The following BLTP3B variants were observed in gnomAD, a reference collection of about 807,000 sequenced individuals.
The protein encoded by BLTP3B is bridge-like lipid transfer protein family member 3B.
the BLTP3B span, among the ~76,000 whole-genome samples, chr12:100,093,362 T>C: frequency 1.0e-4 from 14 of 140,250 alleles, no homozygotes; most frequent in East Asian, 2.7e-3. Context: ...GTTTTAGCCA[T>C]GTGACTCGAT....
At chr12:100,128,759 G>A in the BLTP3B span, 1 of 1,256,664 alleles carries the variant, frequency 8.0e-7, no homozygotes, top group African/African-American at 1.5e-5. Flanking sequence ...GACACAGAAG[G>A]GAGCAAGTTT....
At chr12:100,076,309 G>A in the BLTP3B span, among the ~76,000 whole-genome samples, 7 of 149,212 alleles carry the variant, frequency 4.7e-5, no homozygotes, top group Non-Finnish European at 8.9e-5. Flanking sequence ...TTCAATAGAC[G>A]TGTATATGTC....
At chr12:100,057,912 T>C in the BLTP3B span, 6 of 1,325,272 alleles carry the variant, frequency 4.5e-6, no homozygotes, top group Non-Finnish European at 6.1e-6. Flanking sequence ...CTCTTCTACA[T>C]GTTAACAATG....
chr12:100,071,039 G>A, the BLTP3B span, among the ~76,000 whole-genome samples: 1 of 152,070 alleles, frequency 6.6e-6, no homozygotes, highest in African/African-American at 2.4e-5. Context: ...AAATAAATGG[G>A]CAAGTAGGTC....
chr12:100,068,633 CA>C, the BLTP3B span, among the ~76,000 whole-genome samples: 1 of 151,994 alleles, frequency 6.6e-6, no homozygotes, highest in African/African-American at 2.4e-5. Context: ...ACAATGAACT[CA>C]AATCAACAAG....
chr12:100,048,627 T>C, the BLTP3B span, among the ~76,000 whole-genome samples: 1 of 151,562 alleles, frequency 6.6e-6, no homozygotes, highest in Non-Finnish European at 1.5e-5. Context: ...GGTCCTTAAA[T>C]AACCTCATTA....
the BLTP3B span, among the ~76,000 whole-genome samples, chr12:100,042,886 G>A: frequency 1.2e-4 from 18 of 152,228 alleles, no homozygotes; most frequent in East Asian, 1.9e-4. Context: ...TGCAACCTCC[G>A]CCTCCTGGAT....
At chr12:100,103,257 T>C in the BLTP3B span, among the ~76,000 whole-genome samples, 8 of 152,120 alleles carry the variant, frequency 5.3e-5, 1 homozygote, top group South Asian at 1.7e-3. Context: ...ATCTGAGCTA[T>C]GAGACACAAA....
chr12:100,135,157 T>C, the BLTP3B span, among the ~76,000 whole-genome samples: 1 of 152,312 alleles, frequency 6.6e-6, no homozygotes, highest in South Asian at 2.1e-4. Context: ...TCTCCACCTA[T>C]ATTGGTGGTC....
chr12:100,126,706 A>G, the BLTP3B span, among the ~76,000 whole-genome samples: 2 of 152,212 alleles, frequency 1.3e-5, no homozygotes, highest in East Asian at 1.9e-4. Flanking sequence ...CTTTCTCTTA[A>G]CAGCGCCAAG....
the BLTP3B span, chr12:100,057,532 G>A: frequency 6.4e-7 from 1 of 1,551,484 alleles, no homozygotes; most frequent in Non-Finnish European, 8.8e-7. Flanking sequence ...TAAGGTGTAT[G>A]TACGTAATAT....
chr12:100,045,463 A>G, the BLTP3B span, among the ~76,000 whole-genome samples: 1 of 152,234 alleles, frequency 6.6e-6, no homozygotes, highest in African/African-American at 2.4e-5. Context: ...ACCTGACAAA[A>G]ACAAGCAATA....
chr12:100,065,913 T>C, the BLTP3B span, among the ~76,000 whole-genome samples: 6 of 152,152 alleles, frequency 3.9e-5, no homozygotes, highest in East Asian at 7.7e-4. Context: ...TTGAAGTCCT[T>C]AATAAAAACC....
At chr12:100,059,385 T>G in the BLTP3B span, 1 of 1,614,014 alleles carries the variant, frequency 6.2e-7, no homozygotes, top group South Asian at 1.1e-5. Context: ...ATCACAATCT[T>G]TAAAGTCTTG....
chr12:100,052,257 G>A, the BLTP3B span, among the ~76,000 whole-genome samples: 1 of 151,934 alleles, frequency 6.6e-6, no homozygotes, highest in African/African-American at 2.4e-5. Flanking sequence ...TAGCCAGGGT[G>A]GTCTCGAACT....
the BLTP3B span, among the ~76,000 whole-genome samples, chr12:100,064,134 G>A: frequency 9.2e-5 from 14 of 152,084 alleles, no homozygotes; most frequent in Middle Eastern, 3.2e-3. Context: ...ATAGAAATGC[G>A]AAATGCTATA....
At chr12:100,128,681 T>C in the BLTP3B span, 3 of 1,288,594 alleles carry the variant, frequency 2.3e-6, no homozygotes, top group East Asian at 5.5e-5. Flanking sequence ...TGGGTGATTA[T>C]GCAATTCACA....
the BLTP3B span, among the ~76,000 whole-genome samples, chr12:100,089,831 G>A: frequency 1.3e-5 from 2 of 152,134 alleles, no homozygotes; most frequent in South Asian, 4.1e-4. Flanking sequence ...TTGAATGGTA[G>A]TCCCACAATT....
chr12:100,076,978 G>A, the BLTP3B span, among the ~76,000 whole-genome samples: 1 of 152,038 alleles, frequency 6.6e-6, no homozygotes, highest in Non-Finnish European at 1.5e-5. Context: ...GTTTCTTACT[G>A]TATTTCACTC....
Sources: allele counts gnomAD v4.1 joint callset (sites outside exome capture counted in the v4.1 genomes callset), GRCh38; gene constraint gnomAD v4.1.1; transcripts MANE v1.5; gene names NCBI Gene and HGNC (gene_info 2026-07-23, HGNC 2026-07-21).